Variants in CAMK1D observed in about 807,000 individuals in gnomAD.
CAMK1D encodes calcium/calmodulin-dependent protein kinase type 1D.
Under a neutral mutation model 47.7 loss-of-function variants are expected in CAMK1D, and 9 were observed. The ratio of observed to expected loss-of-function variants is 0.19; its 90% CI spans 0.11 to 0.33. The LOEUF (loss-of-function observed/expected upper bound fraction) is 0.33, where lower values mean the gene tolerates loss of function less well. Among genes scored for constraint, CAMK1D ranks in the 10% least tolerant of loss-of-function variants. The pLI is 1.00. For synonymous variants in CAMK1D, 184 were observed against 184.9 expected, an observed-to-expected ratio of 0.99 and a Z score of 0.04; for missense variants, 291 against 488.7, an observed-to-expected ratio of 0.60 and a Z score of 3.81.
At chr10:12,486,456 C>A (rs111256005) in intron 1 of CAMK1D, among the ~76,000 whole-genome samples, 2 of 152,146 alleles carry the variant, frequency 1.3e-5, no homozygotes, top group East Asian at 1.9e-4. Context: ...CTGCACCTGG[C>A]GGGGACTTGT....
At chr10:12,542,816 C>G (rs530110925) in intron 1 of CAMK1D, among the ~76,000 whole-genome samples, 3 of 152,106 alleles carry the variant, frequency 2.0e-5, no homozygotes, top group Non-Finnish European at 4.4e-5. Context: ...GAACTCAGCT[C>G]GCTGCAACAA....
rs189226600 is a variant in CAMK1D, at chr10:12,602,272, C to G, written c.224+48916C>G. Among the ~76,000 whole-genome samples, 683 of 152,166 alleles carry G rather than the reference C, an allele frequency of 4.5e-3. 5 individuals are homozygous for G. Among genetic ancestry groups the G allele is most frequent in the African/African-American group, 0.016 (662 of 41,518 alleles). On this transcript the variant is annotated intron_variant, in intron 2 of 10. Coordinates refer to ENST00000619168, the MANE Select transcript of CAMK1D (RefSeq NM_153498.4). Reference sequence around the variant, plus strand: ...TAGAGACAGGGTCTCACTATATTGCCCAGACCTGGTCTCAAACTCCTGGCC... The same window carrying G: ...TAGAGACAGGGTCTCACTATATTGCGCAGACCTGGTCTCAAACTCCTGGCC...
intron 3 of CAMK1D, among the ~76,000 whole-genome samples, chr10:12,685,089 T>G (rs1832600148): frequency 6.6e-6 from 1 of 152,040 alleles, no homozygotes; most frequent in Non-Finnish European, 1.5e-5. Flanking sequence ...TCATTTGAGG[T>G]CAAGAGTTCG....
chr10:12,656,500 A>G lies in CAMK1D; in HGVS notation c.225-10236A>G, dbSNP rs1286680155. ...GAGTGAGAGACCCTGTTTCAAAAAAAAGAGAAAAGAAAAAAACCGCCATTT... is the reference window on the plus strand; with the variant it reads ...GAGTGAGAGACCCTGTTTCAAAAAAGAGAGAAAAGAAAAAAACCGCCATTT... On this transcript the variant is annotated intron_variant, in intron 2 of 10. Transcript: ENST00000619168. Among the ~76,000 whole-genome samples the G allele has an allele frequency of 7.2e-5, 11 of 152,338 alleles. No homozygotes were observed. In the East Asian group the frequency reaches 1.7e-3, roughly 24 times the overall value.
chr10:12,437,627 G>A (rs896747188), intron 1 of CAMK1D, among the ~76,000 whole-genome samples: 2 of 152,164 alleles, frequency 1.3e-5, no homozygotes, highest in Non-Finnish European at 2.9e-5. Flanking sequence ...GCAGAGCGGG[G>A]CATTTTGTTA....
intron 6 of CAMK1D, among the ~76,000 whole-genome samples, chr10:12,796,641 T>C (rs536258759): frequency 6.7e-6 from 1 of 150,262 alleles, no homozygotes; most frequent in Non-Finnish European, 1.5e-5. Flanking sequence ...CCCCGGGGGG[T>C]CGTGATGGCT....
chr10:12,657,583 T>A (rs1316877489), intron 2 of CAMK1D, among the ~76,000 whole-genome samples: 1 of 152,218 alleles, frequency 6.6e-6, no homozygotes, highest in Non-Finnish European at 1.5e-5. Flanking sequence ...ACTTTCTCCT[T>A]TGCAGCTAGA....
At chr10:12,466,263 C>T (rs972391793) in intron 1 of CAMK1D, among the ~76,000 whole-genome samples, 3 of 152,130 alleles carry the variant, frequency 2.0e-5, no homozygotes, top group Non-Finnish European at 2.9e-5. Context: ...AAAAAATTAG[C>T]TGGATGTGGT....
chr10:12,571,453 CAAA>C (rs766454210), intron 2 of CAMK1D, among the ~76,000 whole-genome samples: 2 of 89,746 alleles, frequency 2.2e-5, no homozygotes, highest in African/African-American at 4.4e-5. Flanking sequence ...GACTCCATCA[CAAA>C]AAAAAAAAAA....
chr10:12,737,762 G>C (rs1835251171), intron 3 of CAMK1D, among the ~76,000 whole-genome samples: 1 of 152,126 alleles, frequency 6.6e-6, no homozygotes, highest in African/African-American at 2.4e-5. Context: ...GGGTAAAGGG[G>C]ACGTGAGCTA....
intron 6 of CAMK1D, among the ~76,000 whole-genome samples, chr10:12,791,756 T>C (rs961909930): frequency 6.6e-6 from 1 of 152,250 alleles, no homozygotes; most frequent in African/African-American, 2.4e-5. Context: ...TTTCCACCTT[T>C]TGAGTAATGC....
chr10:12,395,275 A>ACCCTTGGCCTCAAGTGATC (rs1838902430), intron 1 of CAMK1D, among the ~76,000 whole-genome samples: 2 of 151,080 alleles, frequency 1.3e-5, no homozygotes, highest in Non-Finnish European at 3.0e-5. Context: ...GGGGTCCCAA[A>ACCCTTGGCCTCAAGTGATC]CCCTTGGCCT....
chr10:12,702,272 A>G lies in CAMK1D; in HGVS notation c.299+35462A>G, dbSNP rs970967462. ...GAAATTTGTCTAAGCTCTGAGGTCA[A>G]CCTCGAGGAGGTGAGGTTGTTGGAA... On this transcript the variant is annotated intron_variant, in intron 3 of 10. Coordinates refer to ENST00000619168, the MANE Select transcript of CAMK1D (RefSeq NM_153498.4). Among the ~76,000 whole-genome samples the G allele has an allele frequency of 2.0e-5, 3 of 152,240 alleles. No homozygotes were observed. In the South Asian group the frequency reaches 6.2e-4, roughly 32 times the overall value.
At position 12,662,664 on chromosome 10, in the gene CAMK1D, A is replaced by G. The variant is rs977277712; in HGVS notation, c.225-4072A>G. 1.5e-4 allele frequency among the ~76,000 whole-genome samples: 22 copies of G among 144,492 alleles called. No individual in the cohort carries two copies. The East Asian group carries it at 4.3e-3, about 28-fold the overall frequency. 94.8% of individuals were successfully genotyped at this position (144,492 alleles called of 152,430 possible). A position where few individuals can be genotyped will look rare whatever the true frequency, so the allele number is the denominator to read the frequency against. Reference sequence around the variant, plus strand: ...AACACTCTGCCTCAAAAAAAAAAAAAGGAGATTGTGTTTGGTAGAACTTCA... The same window carrying G: ...AACACTCTGCCTCAAAAAAAAAAAAGGGAGATTGTGTTTGGTAGAACTTCA... On this transcript the variant is annotated intron_variant, in intron 2 of 10. Transcript: ENST00000619168.
chr10:12,376,918 G>A (rs559125490), intron 1 of CAMK1D, among the ~76,000 whole-genome samples: 43 of 151,724 alleles, frequency 2.8e-4, no homozygotes, highest in African/African-American at 1.0e-3. Flanking sequence ...CTGCCACCAC[G>A]CCCTGCTAAT....
intron 3 of CAMK1D, among the ~76,000 whole-genome samples, chr10:12,676,196 C>G (rs1249985115): frequency 1.3e-5 from 2 of 152,206 alleles, no homozygotes; most frequent in Non-Finnish European, 2.9e-5. Context: ...TCAGGTGATC[C>G]TCTTGCCTCT....
At chr10:12,756,658 G>C (rs959004809) in intron 3 of CAMK1D, among the ~76,000 whole-genome samples, 3 of 152,222 alleles carry the variant, frequency 2.0e-5, no homozygotes, top group African/African-American at 7.2e-5. Context: ...TGGGCACGGT[G>C]GCTCACACCT....
At chr10:12,749,558 G>GTTTT (rs1340222495) in intron 3 of CAMK1D, among the ~76,000 whole-genome samples, 1 of 136,132 alleles carries the variant, frequency 7.3e-6, no homozygotes, top group African/African-American at 2.9e-5. Flanking sequence ...TTTTTTGTTT[G>GTTTT]TTTGTTTGTT....
chr10:12,566,595 G>T (rs556488532), intron 2 of CAMK1D, among the ~76,000 whole-genome samples: 66 of 152,312 alleles, frequency 4.3e-4, no homozygotes, highest in African/African-American at 1.6e-3. Context: ...TGAGGAAAGG[G>T]GTGCAGAGAG....
Sources: gnomAD v4.1 joint callset for allele counts (sites outside exome capture counted in the v4.1 genomes callset) on GRCh38, gnomAD v4.1.1 for gene constraint, MANE v1.5 for transcripts, NCBI Gene and HGNC (gene_info 2026-07-23, HGNC 2026-07-21) for gene names.